The following DDX10 variants were observed in gnomAD, a reference collection of about 807,000 sequenced individuals.
DDX10 encodes the protein DEAD-box helicase 10.
A neutral mutation model predicts 104.3 loss-of-function variants in DDX10; 74 were observed. The ratio of observed to expected loss-of-function variants is 0.71; its 90% CI spans 0.59 to 0.86. The LOEUF is 0.86. Among genes scored for constraint, DDX10 ranks in the 40% least tolerant of loss-of-function variants. The probability of loss-of-function intolerance (pLI) is 0.00; values close to 1 mark genes in which losing one functional copy is unlikely to be tolerated. For missense variants in DDX10, 952 were observed against 1,040.0 expected (o/e 0.92, Z 1.16); for synonymous variants, 351 against 353.4 (o/e 0.99, Z 0.08).
chr11:108,769,467 A>C (rs2094360245), intron 13 of DDX10, among the ~76,000 whole-genome samples: 1 of 152,070 alleles, frequency 6.6e-6, no homozygotes, highest in South Asian at 2.1e-4. Context: ...GTAGTATCTC[A>C]TTTTTGTGAT....
intron 16 of DDX10, among the ~76,000 whole-genome samples, chr11:108,872,821 C>A (rs575548840): frequency 1.8e-5 from 2 of 109,944 alleles, no homozygotes; most frequent in South Asian, 3.7e-4. Context: ...AATTTCCGTT[C>A]CCCCCCCCTC....
At chr11:108,778,918 C>G (rs1361829419) in intron 13 of DDX10, among the ~76,000 whole-genome samples, 2 of 152,108 alleles carry the variant, frequency 1.3e-5, no homozygotes, top group African/African-American at 4.8e-5. Flanking sequence ...TTTATGCAGC[C>G]AACAGACACA....
intron 16 of DDX10, among the ~76,000 whole-genome samples, chr11:108,902,782 T>C (rs779454889): frequency 1.1e-4 from 16 of 152,154 alleles, no homozygotes; most frequent in Admixed American, 7.2e-4. Flanking sequence ...TTTTCTCTTA[T>C]TGTGTAACTA....
chr11:108,862,299 C>T (rs942375107), intron 16 of DDX10, among the ~76,000 whole-genome samples: 1 of 152,174 alleles, frequency 6.6e-6, no homozygotes. Context: ...GCTGGGATTA[C>T]AGGCATGAGA....
chr11:108,841,578 T>C (rs1423631678), intron 15 of DDX10, 102 bp downstream of exon 15: 4 of 1,086,772 alleles, frequency 3.7e-6, no homozygotes, highest in East Asian at 5.2e-5. Flanking sequence ...ATTTTCTTCA[T>C]TGTTTTCTCT....
intron 13 of DDX10, among the ~76,000 whole-genome samples, chr11:108,792,633 A>G (rs1018776346): frequency 1.3e-5 from 2 of 152,112 alleles, no homozygotes; most frequent in African/African-American, 4.8e-5. Context: ...TCCTTATGCC[A>G]ATATTCTCTT....
intron 13 of DDX10, among the ~76,000 whole-genome samples, chr11:108,779,431 C>T (rs1199869892): frequency 2.0e-5 from 3 of 151,844 alleles, no homozygotes; most frequent in South Asian, 2.1e-4. Context: ...GCAGATATCA[C>T]GAGGACAGAA....
intron 12 of DDX10, among the ~76,000 whole-genome samples, chr11:108,721,641 A>AT (rs1338646367): frequency 6.6e-6 from 1 of 152,136 alleles, no homozygotes; most frequent in Non-Finnish European, 1.5e-5. Context: ...TGGTATTTTA[A>AT]TTTTTTTAGA....
intron 9 of DDX10, among the ~76,000 whole-genome samples, chr11:108,701,415 G>A (rs977220547): frequency 6.6e-5 from 10 of 152,120 alleles, no homozygotes; most frequent in Admixed American, 1.3e-4. Context: ...ATAGTAGAGC[G>A]TAACCAACAA....
intron 13 of DDX10, among the ~76,000 whole-genome samples, chr11:108,821,228 G>A (rs777214439): frequency 5.9e-5 from 9 of 152,188 alleles, no homozygotes; most frequent in Non-Finnish European, 1.2e-4. Context: ...AAGATATTCA[G>A]CAGTGAATCT....
chr11:108,681,366 A>G (rs541173831), intron 6 of DDX10, among the ~76,000 whole-genome samples: 1 of 152,216 alleles, frequency 6.6e-6, no homozygotes, highest in African/African-American at 2.4e-5. Context: ...TGGAAGGTAG[A>G]CATGTATTGA....
rs572103446 is a variant in DDX10 at position 108,692,048 on chromosome 11, C to T, written c.1138+10C>T. ...GCAGCCAGGGGTCTGGGTAAGAAAA[C>T]TTCCTATCATGAAATTTCTGTGATT... On this transcript the variant is annotated intron_variant, in intron 8 of 17. Transcript: ENST00000322536. 8 of 1,571,524 alleles carry T rather than the reference C, an allele frequency of 5.1e-6. No individual in the cohort carries two copies. Among genetic ancestry groups the T allele is most frequent in the East Asian group, 2.3e-5 (1 of 43,236 alleles).
intron 16 of DDX10, among the ~76,000 whole-genome samples, chr11:108,889,943 A>T (rs1367591780): frequency 3.9e-5 from 6 of 152,218 alleles, no homozygotes; most frequent in Admixed American, 1.3e-4. Context: ...AGGTTAAGGA[A>T]TTTCATTTCT....
intron 16 of DDX10, among the ~76,000 whole-genome samples, chr11:108,863,896 C>G (rs981237838): frequency 6.6e-6 from 1 of 151,226 alleles, no homozygotes; most frequent in Non-Finnish European, 1.5e-5. Flanking sequence ...GTTCATTCAG[C>G]CTTTATCATT....
At chr11:108,710,722 A>G (rs995682253) in intron 10 of DDX10, among the ~76,000 whole-genome samples, 4 of 152,206 alleles carry the variant, frequency 2.6e-5, no homozygotes, top group Non-Finnish European at 4.4e-5. Flanking sequence ...ATTATGTACC[A>G]TACCTAACTG....
intron 13 of DDX10, among the ~76,000 whole-genome samples, chr11:108,770,347 T>C (rs548244808): frequency 6.6e-6 from 1 of 152,228 alleles, no homozygotes; most frequent in Non-Finnish European, 1.5e-5. Flanking sequence ...CTATTCACTA[T>C]AGTCACCCTA....
At chr11:108,675,088 TTGTGTGTGTGTGTGTGTGTGTGTG>T (rs142204234) in intron 2 of DDX10, among the ~76,000 whole-genome samples, 1 of 146,776 alleles carries the variant, frequency 6.8e-6, no homozygotes, top group Non-Finnish European at 1.5e-5. Flanking sequence ...CATATTCCAT[TTGTGTGTGTGTGTGTGTGTGTGTG>T]TGTGTGTGTG....
intron 8 of DDX10, among the ~76,000 whole-genome samples, chr11:108,692,881 T>C (rs1224953915): frequency 2.0e-5 from 3 of 152,154 alleles, no homozygotes; most frequent in African/African-American, 4.8e-5. Context: ...GCGCCATGCC[T>C]GACTAGTTTT....
chr11:108,890,707 A>G (rs1863364824), intron 16 of DDX10, among the ~76,000 whole-genome samples: 1 of 152,164 alleles, frequency 6.6e-6, no homozygotes, highest in African/African-American at 2.4e-5. Flanking sequence ...TGTTTATTAC[A>G]CTGAGTTCTA....
Sources: allele counts gnomAD v4.1 joint callset (sites outside exome capture counted in the v4.1 genomes callset), GRCh38; gene constraint gnomAD v4.1.1; transcripts MANE v1.5; gene names NCBI Gene and HGNC (gene_info 2026-07-23, HGNC 2026-07-21).